The following TNR variants were observed in gnomAD, a reference collection of about 807,000 sequenced individuals.
The protein encoded by TNR is tenascin-R.
A neutral mutation model predicts 150.4 loss-of-function variants in TNR; 45 were observed. The observed-to-expected ratio is 0.30, with a 90% CI of 0.24 to 0.38. The LOEUF (loss-of-function observed/expected upper bound fraction) is 0.38. Among genes scored for constraint, TNR ranks in the 10% least tolerant of loss-of-function variants. The probability of loss-of-function intolerance (pLI) is 1.00; values close to 1 mark genes in which losing one functional copy is unlikely to be tolerated. For missense variants in TNR, 1,544 were observed against 1,759.1 expected, an observed-to-expected ratio of 0.88 and a Z score of 2.19; for synonymous variants, 687 against 678.4, an observed-to-expected ratio of 1.01 and a Z score of -0.20.
intron 1 of TNR, among the ~76,000 whole-genome samples, chr1:175,717,660 T>C (rs1159658518): frequency 6.6e-6 from 1 of 152,236 alleles, no homozygotes; most frequent in Non-Finnish European, 1.5e-5. Context: ...CCTGAGGTCA[T>C]GGGCCCAGTG....
chr1:175,491,927 C>T (rs1658277847), intron 2 of TNR, among the ~76,000 whole-genome samples: 2 of 150,638 alleles, frequency 1.3e-5, no homozygotes, highest in East Asian at 2.0e-4. Context: ...GGGATTACAG[C>T]GTGAGCCACC....
chr1:175,593,300 A>T (rs1030486122), intron 1 of TNR, among the ~76,000 whole-genome samples: 3 of 152,194 alleles, frequency 2.0e-5, no homozygotes, highest in Non-Finnish European at 2.9e-5. Flanking sequence ...CCTCCAACCC[A>T]GCCCTTTACA....
chr1:175,357,765 A>T (rs1651400427), intron 15 of TNR, among the ~76,000 whole-genome samples: 1 of 152,210 alleles, frequency 6.6e-6, no homozygotes, highest in Non-Finnish European at 1.5e-5. Flanking sequence ...TATAGCATAC[A>T]CTGCTCACAT....
At chr1:175,634,162 A>G (rs568501791) in intron 1 of TNR, among the ~76,000 whole-genome samples, 1 of 152,170 alleles carries the variant, frequency 6.6e-6, no homozygotes, top group African/African-American at 2.4e-5. Flanking sequence ...TTTGCTGTTT[A>G]TATCAGTGGC....
At chr1:175,369,175 G>A (rs1651977318) in intron 9 of TNR, among the ~76,000 whole-genome samples, 1 of 152,152 alleles carries the variant, frequency 6.6e-6, no homozygotes, top group Admixed American at 6.5e-5. Context: ...AACCTTGGGA[G>A]GAAGGTGGGA....
chr1:175,355,567 T>C lies in TNR; in HGVS notation c.3185A>G (p.Gln1062Arg). ...VTRQSALISW[Q>R]PPRAEIENYV... ...ATTTTCAATCTCTGCCCTGGGAGGC[T>C]GCCAGGAGATCAGGGCACTTTGTCT... The change falls in exon 17 of 23, where the codon CAG (glutamine) becomes CGG (arginine). Residue 1062 changes from glutamine to arginine, a missense_variant. Physicochemically the swap from Gln to Arg is conservative, Grantham distance 43. Transcript: ENST00000367674. The C allele has an allele frequency of 6.2e-7, 1 of 1,614,110 alleles. No individual in the cohort carries two copies. Among genetic ancestry groups the C allele is most frequent in the Non-Finnish European group, 8.5e-7 (1 of 1,179,928 alleles).
intron 1 of TNR, among the ~76,000 whole-genome samples, chr1:175,653,827 A>G (rs975194152): frequency 1.3e-5 from 2 of 152,238 alleles, no homozygotes; most frequent in Non-Finnish European, 2.9e-5. Flanking sequence ...AATTGATGCT[A>G]TTAACTTGAA....
At chr1:175,417,067 G>GAAATAAAT (rs1332462418) in intron 2 of TNR, among the ~76,000 whole-genome samples, 101 of 130,320 alleles carry the variant, frequency 7.8e-4, no homozygotes, top group East Asian at 5.3e-3. Flanking sequence ...AAGAAAGAAA[G>GAAATAAAT]AAAGAAAGAA....
chr1:175,739,788 A>G (rs953786664), intron 1 of TNR, among the ~76,000 whole-genome samples: 3 of 152,190 alleles, frequency 2.0e-5, no homozygotes, highest in Non-Finnish European at 4.4e-5. Context: ...AAGCTCTATC[A>G]CAATGAACTC....
intron 5 of TNR, 85 bp from the exon 6 acceptor site, chr1:175,393,980 C>T: frequency 9.3e-7 from 1 of 1,074,858 alleles, no homozygotes; most frequent in Non-Finnish European, 1.4e-6. Context: ...TGGTGAACTC[C>T]CTCCACGCCA....
intron 1 of TNR, among the ~76,000 whole-genome samples, chr1:175,553,542 A>T (rs1364296136): frequency 2.0e-5 from 3 of 152,196 alleles, no homozygotes; most frequent in African/African-American, 4.8e-5. Context: ...TTGGAAAATA[A>T]TGCTGTCTTT....
At position 175,600,591 on chromosome 1, in the gene TNR, T is replaced by G. The variant is rs1367203989; in HGVS notation, c.-164-72222A>C. ...TGCACGTAAAGATAGGGCCACCATGTACAGTTGAGTTGGTTGTATATCCTG... is the reference window on the plus strand; with the variant it reads ...TGCACGTAAAGATAGGGCCACCATGGACAGTTGAGTTGGTTGTATATCCTG... On this transcript the variant is annotated intron_variant, in intron 1 of 22. Transcript: ENST00000367674. 4.6e-5 allele frequency among the ~76,000 whole-genome samples: 7 copies of G among 152,228 alleles called. No homozygotes were observed. The East Asian group carries it at 1.3e-3, about 29-fold the overall frequency.
intron 4 of TNR, among the ~76,000 whole-genome samples, chr1:175,402,137 C>G (rs1653735697): frequency 6.6e-6 from 1 of 151,540 alleles, no homozygotes; most frequent in Admixed American, 6.6e-5. Flanking sequence ...GAAACCCCGT[C>G]TCTACTAAAA....
At chr1:175,487,649 C>A (rs777690352) in intron 2 of TNR, among the ~76,000 whole-genome samples, 2 of 152,130 alleles carry the variant, frequency 1.3e-5, no homozygotes, top group Non-Finnish European at 2.9e-5. Context: ...TGATCTTGAG[C>A]AAGGCGCCTC....
intron 2 of TNR, among the ~76,000 whole-genome samples, chr1:175,478,437 C>T (rs1657642357): frequency 6.6e-6 from 1 of 152,090 alleles, no homozygotes; most frequent in Non-Finnish European, 1.5e-5. Flanking sequence ...CAAAATTACC[C>T]CAGCTCTCTG....
chr1:175,565,856 T>G (rs926544202), intron 1 of TNR, among the ~76,000 whole-genome samples: 1 of 152,174 alleles, frequency 6.6e-6, no homozygotes, highest in African/African-American at 2.4e-5. Context: ...CGAATTACAT[T>G]TGTTGTCATG....
chr1:175,615,550 C>T (rs1663745830), intron 1 of TNR, among the ~76,000 whole-genome samples: 1 of 152,184 alleles, frequency 6.6e-6, no homozygotes, highest in East Asian at 1.9e-4. Context: ...CCTGAGGCTT[C>T]GAGGTCACAG....
chr1:175,398,440 G>C (rs1234047695), intron 4 of TNR, among the ~76,000 whole-genome samples: 2 of 152,174 alleles, frequency 1.3e-5, no homozygotes, highest in Non-Finnish European at 2.9e-5. Flanking sequence ...ATCACCTATA[G>C]TTTTGACCTT....
chr1:175,319,976 A>T lies in TNR; in HGVS notation c.*3381T>A, dbSNP rs910686755. ...GTGAATGTGCATCTGATATGTTGGA[A>T]ATTATCTTTATATGTTGGGGAAATG... On this transcript the variant is annotated 3_prime_UTR_variant, in exon 23 of 23. Coordinates refer to ENST00000367674, the MANE Select transcript of TNR (RefSeq NM_003285.3). The T allele has an allele frequency of 1.1e-4, 16 of 152,226 alleles. No individual in the cohort carries two copies. Among genetic ancestry groups the T allele is most frequent in the African/African-American group, 3.9e-4 (16 of 41,422 alleles). 9.4% of individuals were successfully genotyped at this position (152,226 alleles called of 1,614,324 possible). A position where few individuals can be genotyped will look rare whatever the true frequency, so the allele number is the denominator to read the frequency against.
Sources: allele counts gnomAD v4.1 joint callset (sites outside exome capture counted in the v4.1 genomes callset), GRCh38; gene constraint gnomAD v4.1.1; transcripts MANE v1.5; gene names NCBI Gene and HGNC (gene_info 2026-07-23, HGNC 2026-07-21).